SRPK2: variants seen among roughly 807,000 people sequenced by gnomAD.
The protein encoded by SRPK2 is SFRS protein kinase 2.
SRPK2 carries 21 observed loss-of-function variants against 90.8 expected under a neutral mutation model. The ratio of observed to expected loss-of-function variants is 0.23; its 90% CI spans 0.16 to 0.33. The LOEUF is 0.33. Ranked by LOEUF, SRPK2 falls within the 10% of genes least tolerant of loss-of-function variation. The pLI, the probability that SRPK2 is intolerant of heterozygous loss-of-function variation, is 1.00. For missense variants in SRPK2, 620 were observed against 869.0 expected, an observed-to-expected ratio of 0.71 and a Z score of 3.60; for synonymous variants, 288 against 311.1, an observed-to-expected ratio of 0.93 and a Z score of 0.78.
chr7:105,312,218 GA>G, intron 2 of SRPK2, among the ~76,000 whole-genome samples: 1 of 152,254 alleles, frequency 6.6e-6, no homozygotes, highest in South Asian at 2.1e-4. Context: ...AAGGTGGGGG[GA>G]TCACAAGGTC....
At chr7:105,281,055 CCTT>C (rs1807257955) in intron 2 of SRPK2, among the ~76,000 whole-genome samples, 1 of 146,536 alleles carries the variant, frequency 6.8e-6, no homozygotes, top group East Asian at 2.1e-4. Context: ...CCCATTTCTT[CCTT>C]CTTTTTTTTC....
chr7:105,241,455 T>C (rs1053615750), intron 2 of SRPK2, among the ~76,000 whole-genome samples: 2 of 152,170 alleles, frequency 1.3e-5, no homozygotes, highest in Non-Finnish European at 2.9e-5. Context: ...AAGTTGTCCC[T>C]CATACCATCC....
intron 2 of SRPK2, among the ~76,000 whole-genome samples, chr7:105,216,351 T>A (rs1797462578): frequency 6.6e-6 from 1 of 152,122 alleles, no homozygotes; most frequent in African/African-American, 2.4e-5. Flanking sequence ...CAATAATGGT[T>A]GTCTCCAGGA....
intron 6 of SRPK2, 47 bp from the exon 7 acceptor site, chr7:105,160,660 G>A: frequency 1.8e-6 from 2 of 1,121,224 alleles, no homozygotes; most frequent in Non-Finnish European, 2.7e-6. Context: ...CCTGGAGTGA[G>A]GCAGTTATTG....
At chr7:105,300,343 A>C (rs1810390319) in intron 2 of SRPK2, among the ~76,000 whole-genome samples, 1 of 152,058 alleles carries the variant, frequency 6.6e-6, no homozygotes, top group South Asian at 2.1e-4. Flanking sequence ...GTATAGTTAT[A>C]CATCTGACAT....
chr7:105,119,698 CA>C (rs1800054391), intron 15 of SRPK2, among the ~76,000 whole-genome samples: 1 of 152,144 alleles, frequency 6.6e-6, no homozygotes, highest in Admixed American at 6.5e-5. Context: ...TCCATAAAAA[CA>C]AAGTCTGAAC....
At chr7:105,359,140 C>G (rs1441379362) in intron 2 of SRPK2, among the ~76,000 whole-genome samples, 1 of 141,248 alleles carries the variant, frequency 7.1e-6, no homozygotes. Flanking sequence ...AAACCATATC[C>G]AAACCACAGC....
At chr7:105,358,260 C>T (rs560514860) in intron 2 of SRPK2, among the ~76,000 whole-genome samples, 9 of 144,912 alleles carry the variant, frequency 6.2e-5, no homozygotes, top group Admixed American at 3.5e-4. Flanking sequence ...CCACGTACAA[C>T]TTCTGACTCC....
chr7:105,187,848 A>G (rs1465237766), intron 3 of SRPK2, among the ~76,000 whole-genome samples: 2 of 152,216 alleles, frequency 1.3e-5, no homozygotes, highest in Non-Finnish European at 1.5e-5. Flanking sequence ...CTCATTCATT[A>G]TAATAGAATT....
chr7:105,317,773 C>T (rs1049445225), intron 2 of SRPK2, among the ~76,000 whole-genome samples: 16 of 152,010 alleles, frequency 1.1e-4, no homozygotes, highest in African/African-American at 3.6e-4. Context: ...CTTTTTGTTG[C>T]TGTTGTTGTT....
At chr7:105,366,154 A>AAAATTTT (rs1819029982) in intron 2 of SRPK2, among the ~76,000 whole-genome samples, 1 of 151,282 alleles carries the variant, frequency 6.6e-6, no homozygotes, top group Non-Finnish European at 1.5e-5. Flanking sequence ...CACCCGGCCT[A>AAAATTTT]ATGATTTTCT....
chr7:105,291,623 G>A (rs946609785), intron 2 of SRPK2, among the ~76,000 whole-genome samples: 2 of 152,130 alleles, frequency 1.3e-5, no homozygotes, highest in Admixed American at 1.3e-4. Flanking sequence ...CCAGCTACTC[G>A]GGAAGCTGAG....
intron 12 of SRPK2, 51 bp from the exon 13 acceptor site, chr7:105,132,949 G>A (rs1350264371): frequency 6.2e-7 from 1 of 1,612,082 alleles, no homozygotes; most frequent in Admixed American, 1.7e-5. Flanking sequence ...CATTCAAAAA[G>A]TGTCTTCGCA....
At chr7:105,248,289 C>T (rs1388877801) in intron 2 of SRPK2, among the ~76,000 whole-genome samples, 1 of 152,118 alleles carries the variant, frequency 6.6e-6, no homozygotes, top group African/African-American at 2.4e-5. Flanking sequence ...ACACAGTTCT[C>T]TTCAGATAGA....
At chr7:105,125,246 C>G (rs1801022109) in intron 15 of SRPK2, among the ~76,000 whole-genome samples, 3 of 151,016 alleles carry the variant, frequency 2.0e-5, no homozygotes, top group South Asian at 4.2e-4. Context: ...GGCAAATAAA[C>G]AGTTGGAAGA....
intron 3 of SRPK2, among the ~76,000 whole-genome samples, chr7:105,171,756 T>G (rs1004326525): frequency 3.9e-5 from 6 of 152,212 alleles, no homozygotes; most frequent in African/African-American, 1.4e-4. Context: ...TGACAACATT[T>G]TGGGCTAAAT....
intron 2 of SRPK2, among the ~76,000 whole-genome samples, chr7:105,299,279 G>T (rs190634843): frequency 6.6e-6 from 1 of 152,136 alleles, no homozygotes; most frequent in South Asian, 2.1e-4. Context: ...TCTTTGCTAC[G>T]TCAACCACTT....
intron 2 of SRPK2, among the ~76,000 whole-genome samples, chr7:105,345,851 G>A (rs149127735): frequency 1.3e-5 from 2 of 152,312 alleles, no homozygotes; most frequent in Non-Finnish European, 2.9e-5. Context: ...TTAAAAACCG[G>A]TTCCTCAGTC....
chr7:105,232,140 G>A (rs1408771032), intron 2 of SRPK2, among the ~76,000 whole-genome samples: 2 of 152,148 alleles, frequency 1.3e-5, no homozygotes, highest in African/African-American at 4.8e-5. Context: ...CAAGGCATGA[G>A]CCACCACACC....
Sources: gnomAD v4.1 joint callset for allele counts (sites outside exome capture counted in the v4.1 genomes callset) on GRCh38, gnomAD v4.1.1 for gene constraint, MANE v1.5 for transcripts, NCBI Gene and HGNC (gene_info 2026-07-23, HGNC 2026-07-21) for gene names.